The following VSIG10 variants were observed in gnomAD, a reference collection of about 807,000 sequenced individuals.
VSIG10 encodes V-set and immunoglobulin domain-containing protein 10.
A neutral mutation model predicts 58.7 loss-of-function variants in VSIG10; 48 were observed. The ratio of observed to expected loss-of-function variants is 0.82; its 90% CI spans 0.65 to 1.04. The LOEUF (loss-of-function observed/expected upper bound fraction) is 1.04. Among genes scored for constraint, VSIG10 ranks in the 50% least tolerant of loss-of-function variants. The pLI, the probability that VSIG10 is intolerant of heterozygous loss-of-function variation, is 0.00. For missense variants in VSIG10, 628 were observed against 670.0 expected, an observed-to-expected ratio of 0.94 and a Z score of 0.69; for synonymous variants, 260 against 267.1, an observed-to-expected ratio of 0.97 and a Z score of 0.26.
intron 4 of VSIG10, among the ~76,000 whole-genome samples, chr12:118,078,101 G>A (rs571493099): frequency 3.3e-5 from 5 of 152,302 alleles, no homozygotes; most frequent in East Asian, 1.9e-4. Flanking sequence ...AATGGAAGGT[G>A]TTTGGGTAAG....
chr12:118,069,151 G>A (rs972350596), intron 7 of VSIG10, among the ~76,000 whole-genome samples: 18 of 151,714 alleles, frequency 1.2e-4, no homozygotes, highest in African/African-American at 3.6e-4. Context: ...GTGCAGTGGC[G>A]CAATCTTGGC....
At position 118,082,084 on chromosome 12, in the gene VSIG10, G is replaced by C. The variant is rs377585313; in HGVS notation, c.664+43C>G. On this transcript the variant is annotated intron_variant, in intron 3 of 8. Coordinates refer to ENST00000359236, the MANE Select transcript of VSIG10 (RefSeq NM_019086.6). ...ACGTGCAGTTCATAAGTTCACAAAG[G>C]GTTAAGGGGAAGAAGCGGGGCAGAG... 285 of 1,590,662 alleles carry C rather than the reference G, an allele frequency of 1.8e-4. 3 individuals are homozygous for C. In the African/African-American group the frequency reaches 3.6e-3, roughly 20 times the overall value.
chr12:118,091,898 C>T (rs2033310899), intron 2 of VSIG10, among the ~76,000 whole-genome samples: 1 of 151,988 alleles, frequency 6.6e-6, no homozygotes, highest in Non-Finnish European at 1.5e-5. Context: ...GCTGGGATTA[C>T]AGGTGCACAC....
chr12:118,095,822 A>G lies in VSIG10; in HGVS notation c.80-8T>C. The G allele has an allele frequency of 1.3e-6, 2 of 1,599,386 alleles. No individual in the cohort carries two copies. The highest frequency in any genetic ancestry group is 1.7e-6 in the Non-Finnish European group (2 of 1,172,392). ...TGACAACAGCCTCCAATCCTGTACA[A>G]GGCAAGATCAGGCTGTTACTACCCT... On this transcript the variant is annotated splice_polypyrimidine_tract_variant and splice_region_variant and intron_variant, in intron 1 of 8. Transcript: ENST00000359236.
At chr12:118,093,359 C>T (rs538763730) in intron 2 of VSIG10, among the ~76,000 whole-genome samples, 29 of 151,790 alleles carry the variant, frequency 1.9e-4, no homozygotes, top group African/African-American at 6.5e-4. Flanking sequence ...TTTACAACCT[C>T]GCACTCTAAA....
chr12:118,092,591 T>C (rs1475385753), intron 2 of VSIG10, among the ~76,000 whole-genome samples: 4 of 152,148 alleles, frequency 2.6e-5, no homozygotes, highest in Non-Finnish European at 4.4e-5. Context: ...TAAAACTTTA[T>C]TTACGAACAC....
chr12:118,092,114 A>G (rs2033317430), intron 2 of VSIG10, among the ~76,000 whole-genome samples: 1 of 152,080 alleles, frequency 6.6e-6, no homozygotes. Context: ...GGTGGAGTAC[A>G]GTGGCACCAT....
chr12:118,088,504 C>T (rs2033199088), intron 2 of VSIG10, among the ~76,000 whole-genome samples: 1 of 152,162 alleles, frequency 6.6e-6, no homozygotes, highest in South Asian at 2.1e-4. Flanking sequence ...GCTAATAGAA[C>T]GTGGATTTGA....
chr12:118,071,927 T>C (rs952282239), intron 5 of VSIG10, among the ~76,000 whole-genome samples: 6 of 152,214 alleles, frequency 3.9e-5, no homozygotes, highest in African/African-American at 1.4e-4. Flanking sequence ...CCCAGCACTT[T>C]GGGAGGCTGA....
intron 1 of VSIG10, among the ~76,000 whole-genome samples, chr12:118,100,420 C>G (rs544102958): frequency 2.5e-4 from 38 of 152,254 alleles, no homozygotes; most frequent in Non-Finnish European, 1.9e-4. Context: ...TCCCTTGTAC[C>G]TGGGAGGCGG....
chr12:118,088,240 GA>G (rs61475209), intron 2 of VSIG10, among the ~76,000 whole-genome samples: 9,385 of 92,984 alleles, frequency 0.1, 621 homozygotes, highest in African/African-American at 0.23. Context: ...CTGTGTCTCA[GA>G]AAAAAAAAAA....
At chr12:118,098,217 AC>A (rs2033520239) in intron 1 of VSIG10, among the ~76,000 whole-genome samples, 6 of 151,616 alleles carry the variant, frequency 4.0e-5, no homozygotes, top group Non-Finnish European at 8.8e-5. Context: ...CCACTGTCCC[AC>A]TGCTCTCTCT....
rs545835606 is a variant in VSIG10 at position 118,063,694 on chromosome 12, A to G, written c.*2945T>C. 2.6e-5 allele frequency: 4 copies of G among 152,304 alleles called. No individual in the cohort carries two copies. In the East Asian group the frequency reaches 7.7e-4, roughly 29 times the overall value. 9.4% of individuals were successfully genotyped at this position (152,304 alleles called of 1,614,324 possible). On this transcript the variant is annotated 3_prime_UTR_variant, in exon 9 of 9. Coordinates refer to ENST00000359236, the MANE Select transcript of VSIG10 (RefSeq NM_019086.6). ...CCCCCCACCACATCTTAAAATGTAA[A>G]TAATGGAGAAGGAGCTGCTTATTTT... is the stretch of plus-strand genomic sequence containing the variant.
chr12:118,070,803 A>T, intron 7 of VSIG10: 1 of 564,952 alleles, frequency 1.8e-6, no homozygotes, highest in Non-Finnish European at 3.2e-6. Context: ...TTCTTCTGGA[A>T]TGAGCTTGCA....
rs185710319 is a variant in VSIG10, at chr12:118,085,392, G to T, written c.362-2963C>A. Among the ~76,000 whole-genome samples, 441 of 152,316 alleles carry T rather than the reference G, an allele frequency of 2.9e-3. 5 individuals carry two copies. The highest frequency in any genetic ancestry group is 9.6e-3 in the African/African-American group (401 of 41,576). ...AGACCAGCTTCCTCATTGCTCACGTGCGAGCTGGTTCCATTGTTCCCCAAA... is the reference window on the plus strand; with the variant it reads ...AGACCAGCTTCCTCATTGCTCACGTTCGAGCTGGTTCCATTGTTCCCCAAA... On this transcript the variant is annotated intron_variant, in intron 2 of 8. Transcript: ENST00000359236.
chr12:118,072,121 A>G (rs1222574678), intron 5 of VSIG10, among the ~76,000 whole-genome samples: 4 of 151,664 alleles, frequency 2.6e-5, no homozygotes, highest in Admixed American at 6.6e-5. Context: ...GTGAGCCAAG[A>G]TCGCGCCATT....
Position 118,095,741 on chromosome 12 carries a change from C to A in VSIG10, c.153G>T (p.Arg51Ser). The change falls in exon 2 of 9, where the codon AGG becomes AGT. Residue 51 changes from arginine (R) to serine (S), a missense_variant. Transcript: ENST00000359236. ...TLHCGNISGL[R>S]GQVTWYRNNS... ...TGTTCCGGTACCAGGTCACCTGGCCCCTCAGTCCCGAGATGTTGCCACAGT... is the reference window on the plus strand; with the variant it reads ...TGTTCCGGTACCAGGTCACCTGGCCACTCAGTCCCGAGATGTTGCCACAGT... 2 of 1,613,700 alleles carry A rather than the reference C, an allele frequency of 1.2e-6. No homozygotes were observed. The highest frequency in any genetic ancestry group is 1.7e-6 in the Non-Finnish European group (2 of 1,179,778).
intron 1 of VSIG10, among the ~76,000 whole-genome samples, chr12:118,099,280 GT>G (rs1190402526): frequency 6.9e-6 from 1 of 143,928 alleles, no homozygotes; most frequent in African/African-American, 2.5e-5. Context: ...GTAAAAAACT[GT>G]TTTTTTCTTT....
chr12:118,095,717 G>T lies in VSIG10; in HGVS notation c.177C>A (p.Asn59Lys). 8 of 1,613,956 alleles carry T rather than the reference G, an allele frequency of 5.0e-6. No homozygotes were observed. Among genetic ancestry groups the T allele is most frequent in the Non-Finnish European group, 6.8e-6 (8 of 1,179,872 alleles). Residue 59 changes from asparagine (N) to lysine (K), a missense_variant, in exon 2 of 9, where the codon AAC (asparagine) becomes AAA (lysine). Transcript: ENST00000359236. ...GLRGQVTWYR[N>K]NSEPVFLLSS... is the part of the protein sequence containing the mutation. ...AGAGAAGGAAGACAGGCTCCGAGTT[G>T]TTCCGGTACCAGGTCACCTGGCCCC...
Sources: gnomAD v4.1 joint callset for allele counts (sites outside exome capture counted in the v4.1 genomes callset) on GRCh38, gnomAD v4.1.1 for gene constraint, MANE v1.5 for transcripts, NCBI Gene and HGNC (gene_info 2026-07-23, HGNC 2026-07-21) for gene names.